ABCB5: variants seen among roughly 807,000 people sequenced by gnomAD.
The protein encoded by ABCB5 is ATP-binding cassette sub-family B member 5.
Under a neutral mutation model 144.2 loss-of-function variants are expected in ABCB5, and 155 were observed. The ratio of observed to expected loss-of-function variants is 1.08; its 90% CI spans 0.94 to 1.23. The LOEUF is 1.23. Among genes scored for constraint, ABCB5 ranks in the 50% most tolerant of loss-of-function variants. The pLI is 0.00. For synonymous variants in ABCB5, 610 were observed against 528.6 expected (o/e 1.15, Z -2.11); for missense variants, 1,830 against 1,520.8 (o/e 1.20, Z -3.38).
chr7:20,651,406 CT>C lies in ABCB5; in HGVS notation c.1333-11del. The C allele has an allele frequency of 6.2e-7, 1 of 1,613,756 alleles. No individual in the cohort carries two copies. The highest frequency in any genetic ancestry group is 8.5e-7 in the Non-Finnish European group (1 of 1,179,862). ...AAAAGGCATCACAACATGGTTCATT[CT>C]TTGGATTGGCAGATCATGGTGGATG... On this transcript the variant is annotated splice_polypyrimidine_tract_variant and intron_variant, in intron 12 of 27. Transcript: ENST00000404938.
chr7:20,709,257 C>G (rs1445034766), intron 20 of ABCB5, among the ~76,000 whole-genome samples: 2 of 150,302 alleles, frequency 1.3e-5, no homozygotes, highest in Admixed American at 6.6e-5. Flanking sequence ...AATGAATAAG[C>G]CACTTAAAAA....
At chr7:20,648,133 G>C in intron 11 of ABCB5, 55 bp downstream of exon 11, 1 of 1,067,222 alleles carries the variant, frequency 9.4e-7, no homozygotes, top group South Asian at 1.4e-5. Context: ...TCTTCTACTG[G>C]CCAAGATCTT....
rs1175343159 is a variant in ABCB5 at position 20,700,121 on chromosome 7, G to C, written c.2323G>C (p.Ala775Pro). ...GAGATTAAGACACTTGGCCTTCAAAGCCATGTTATATCAGGTCAGTGATAA... is the reference window on the plus strand; with the variant it reads ...GAGATTAAGACACTTGGCCTTCAAACCCATGTTATATCAGGTCAGTGATAA... Reference protein sequence around the residue: ...TMRLRHLAFKAMLYQDIAWFD... With the variant: ...TMRLRHLAFKPMLYQDIAWFD... Residue 775 changes from alanine to proline, a missense_variant, in exon 19 of 28, where the codon GCC (alanine) becomes CCC (proline). Coordinates refer to ENST00000404938, the MANE Select transcript of ABCB5 (RefSeq NM_001163941.2). 1 of 1,612,098 alleles carries C rather than the reference G, an allele frequency of 6.2e-7. No homozygotes were observed. The highest frequency in any genetic ancestry group is 1.7e-5 in the Admixed American group (1 of 59,902).
intron 2 of ABCB5, among the ~76,000 whole-genome samples, chr7:20,625,253 A>G (rs1343506941): frequency 6.6e-6 from 1 of 152,244 alleles, no homozygotes; most frequent in Non-Finnish European, 1.5e-5. Context: ...ATTGTCATTT[A>G]TCAAAGCTGA....
At chr7:20,667,518 GCT>G (rs1291255077) in intron 14 of ABCB5, 3 of 979,248 alleles carry the variant, frequency 3.1e-6, no homozygotes, top group South Asian at 4.7e-5. Context: ...ACGTGTTAAT[GCT>G]CTCTTTTATA....
chr7:20,658,006 C>T (rs1327293967), intron 13 of ABCB5, among the ~76,000 whole-genome samples: 1 of 152,006 alleles, frequency 6.6e-6, no homozygotes, highest in Non-Finnish European at 1.5e-5. Context: ...ATCAAAAGAA[C>T]ACCTAAAAAG....
Position 20,727,077 on chromosome 7 carries a change from T to C in ABCB5, c.2663T>C (p.Val888Ala), listed in dbSNP as rs780487157. 3.3e-5 allele frequency: 54 copies of C among 1,613,532 alleles called. No individual in the cohort carries two copies. Among genetic ancestry groups the C allele is most frequent in the Non-Finnish European group, 4.3e-5 (51 of 1,179,764 alleles). ...GCTTTGGAGAATATACGTACTATAG[T>C]GTCATTAACAAGGGAAAAAGCCTTC... The part of the protein sequence containing the change: ...TEALENIRTI[V>A]SLTREKAFEQ... The change falls in exon 22 of 28, where the codon GTG (valine) becomes GCG (alanine). Residue 888 changes from valine to alanine, a missense_variant. Transcript: ENST00000404938.
intron 20 of ABCB5, among the ~76,000 whole-genome samples, chr7:20,721,454 T>G (rs1157431573): frequency 2.0e-5 from 3 of 152,244 alleles, no homozygotes; most frequent in African/African-American, 7.2e-5. Flanking sequence ...TACCTTTATA[T>G]ATTAGCTCCA....
chr7:20,750,121 A>G (rs1186599380), intron 26 of ABCB5, among the ~76,000 whole-genome samples: 1 of 152,196 alleles, frequency 6.6e-6, no homozygotes, highest in African/African-American at 2.4e-5. Context: ...AGCAATGTAA[A>G]TGACGGTAGA....
intron 19 of ABCB5, among the ~76,000 whole-genome samples, chr7:20,702,102 T>TA (rs1280426071): frequency 6.6e-6 from 1 of 152,224 alleles, no homozygotes; most frequent in East Asian, 1.9e-4. Context: ...TGTGTAGGTA[T>TA]AAAATCCATA....
Position 20,632,081 on chromosome 7 carries a change from G to C in ABCB5, c.282G>C (p.Gln94His). ...TNTTNYQNCT[Q>H]SQEKLNEDMT... is the part of the protein sequence containing the mutation. ...CAGCAAATTATCAGAACTGTACTCA[G>C]TCTCAAGAGAAGCTGAATGAAGATA... Residue 94 changes from glutamine (Q) to histidine (H), a missense_variant, in exon 5 of 28, where the codon CAG (glutamine) becomes CAC (histidine). Gln to His is a conservative substitution (Grantham distance 24). Transcript: ENST00000404938. 3 of 1,525,930 alleles carry C rather than the reference G, an allele frequency of 2.0e-6. No homozygotes were observed. Among genetic ancestry groups the C allele is most frequent in the Non-Finnish European group, 2.6e-6 (3 of 1,135,458 alleles). The allele number at this position is 1,525,930 out of a possible 1,614,324, so 94.5% of individuals were successfully genotyped here.
chr7:20,632,386 T>A lies in ABCB5; in HGVS notation c.314+273T>A, dbSNP rs138383321. 3.2e-4 allele frequency among the ~76,000 whole-genome samples: 48 copies of A among 152,256 alleles called. 1 individual carries two copies. The highest frequency in any genetic ancestry group is 1.1e-3 in the African/African-American group (47 of 41,564). ...GTAAGGATTTGCATTTTTGTAGCAA[T>A]TTTGCCTCCTAGTAATATCCTGGGA... On this transcript the variant is annotated intron_variant, in intron 5 of 27. Coordinates refer to ENST00000404938, the MANE Select transcript of ABCB5 (RefSeq NM_001163941.2).
At chr7:20,729,795 T>G (rs1782152003) in intron 23 of ABCB5, among the ~76,000 whole-genome samples, 1 of 152,164 alleles carries the variant, frequency 6.6e-6, no homozygotes, top group Non-Finnish European at 1.5e-5. Context: ...TTCACAATAA[T>G]GAATTGGGAG....
chr7:20,726,358 CTTTTTTTTT>C (rs1172285058), intron 21 of ABCB5, among the ~76,000 whole-genome samples: 1 of 78,420 alleles, frequency 1.3e-5, no homozygotes, highest in South Asian at 5.8e-4. Flanking sequence ...TCTCTGCTAT[CTTTTTTTTT>C]TTTTTTTTTT....
At chr7:20,667,008 G>C (rs77281007) in intron 14 of ABCB5, 1 of 687,372 alleles carries the variant, frequency 1.5e-6, no homozygotes, top group Non-Finnish European at 2.1e-6. Flanking sequence ...GGAGTATATC[G>C]GTTTTAGGTC....
chr7:20,726,939 A>G (rs768883859), intron 21 of ABCB5, 101 bp from the exon 22 acceptor site: 25 of 645,818 alleles, frequency 3.9e-5, no homozygotes, highest in Non-Finnish European at 6.1e-5. Flanking sequence ...CTGACTTGAT[A>G]TACTTAATAT....
chr7:20,749,269 C>G (rs1248608096), intron 26 of ABCB5, among the ~76,000 whole-genome samples: 1 of 148,884 alleles, frequency 6.7e-6, no homozygotes, highest in African/African-American at 2.5e-5. Flanking sequence ...GCTCTGTCGC[C>G]TAGGCTGAAA....
Position 20,651,533 on chromosome 7 carries a change from C to G in ABCB5, c.1446C>G (p.Ile482Met). The G allele has an allele frequency of 6.2e-7, 1 of 1,614,020 alleles. No homozygotes were observed. Among genetic ancestry groups the G allele is most frequent in the Non-Finnish European group, 8.5e-7 (1 of 1,180,002 alleles). ...VLFGTTISNNIKYGRDDVTDE... is the reference protein window; with the variant it reads ...VLFGTTISNNMKYGRDDVTDE... ...TCGGGACCACCATCAGTAACAATAT[C>G]AAGTATGGACGAGATGATGTGACTG... The change falls in exon 13 of 28, where the codon ATC becomes ATG. Residue 482 changes from isoleucine to methionine, a missense_variant. By Grantham distance (10) the Ile-to-Met change is conservative. Coordinates refer to ENST00000404938, the MANE Select transcript of ABCB5 (RefSeq NM_001163941.2).
chr7:20,684,807 C>T (rs950395631), intron 15 of ABCB5, among the ~76,000 whole-genome samples: 5 of 152,066 alleles, frequency 3.3e-5, no homozygotes, highest in African/African-American at 1.2e-4. Context: ...TCACCGTGTC[C>T]CTGGAAACTC....
Sources: gnomAD v4.1 joint callset for allele counts (sites outside exome capture counted in the v4.1 genomes callset) on GRCh38, gnomAD v4.1.1 for gene constraint, MANE v1.5 for transcripts, NCBI Gene and HGNC (gene_info 2026-07-23, HGNC 2026-07-21) for gene names.